Variants in SORCS1 observed in about 807,000 individuals in gnomAD.
The protein encoded by SORCS1 is sortilin related VPS10 domain containing receptor 1.
SORCS1 carries 60 observed loss-of-function variants against 146.1 expected under a neutral mutation model. The observed-to-expected ratio is 0.41, with a 90% CI of 0.33 to 0.51. The LOEUF is 0.51. Among genes scored for constraint, SORCS1 ranks in the 20% least tolerant of loss-of-function variants. The pLI, the probability that SORCS1 is intolerant of heterozygous loss-of-function variation, is 0.21. For synonymous variants in SORCS1, 637 were observed against 584.0 expected, an observed-to-expected ratio of 1.09 and a Z score of -1.31; for missense variants, 1,352 against 1,487.6, an observed-to-expected ratio of 0.91 and a Z score of 1.50.
At chr10:106,794,664 G>A (rs983230974) in intron 3 of SORCS1, among the ~76,000 whole-genome samples, 3 of 151,794 alleles carry the variant, frequency 2.0e-5, no homozygotes, top group African/African-American at 4.8e-5. Context: ...CACCACGCCC[G>A]GCTAATTTTT....
At chr10:106,614,877 G>A (rs570888518) in intron 21 of SORCS1, among the ~76,000 whole-genome samples, 5 of 152,306 alleles carry the variant, frequency 3.3e-5, no homozygotes, top group Non-Finnish European at 7.3e-5. Context: ...GAGAGATAAA[G>A]TCTATACACT....
At chr10:106,607,318 C>T (rs766244480) in intron 22 of SORCS1, 21 bp from the exon 23 acceptor site, 3 of 1,613,250 alleles carry the variant, frequency 1.9e-6, no homozygotes, top group South Asian at 1.1e-5. Context: ...GACACAGGGG[C>T]TCACATTAGT....
chr10:106,601,846 T>G (rs1846260994), intron 23 of SORCS1, among the ~76,000 whole-genome samples: 1 of 152,164 alleles, frequency 6.6e-6, no homozygotes, highest in Non-Finnish European at 1.5e-5. Context: ...AGCTTGGAAG[T>G]GGCACATATC....
intron 1 of SORCS1, among the ~76,000 whole-genome samples, chr10:107,045,101 C>T (rs1409306590): frequency 1.3e-5 from 2 of 152,202 alleles, no homozygotes; most frequent in African/African-American, 4.8e-5. Context: ...TTATGAAGGA[C>T]CATCAATGCC....
At chr10:106,746,689 C>T (rs1485758203) in intron 5 of SORCS1, among the ~76,000 whole-genome samples, 4 of 152,126 alleles carry the variant, frequency 2.6e-5, no homozygotes, top group Non-Finnish European at 4.4e-5. Flanking sequence ...TGACAGCCAG[C>T]GTTCTTATTT....
intron 1 of SORCS1, among the ~76,000 whole-genome samples, chr10:106,967,970 C>T (rs1955580352): frequency 6.6e-6 from 1 of 150,768 alleles, no homozygotes. Flanking sequence ...TTTGGGAGGC[C>T]GAGGCAGGCG....
intron 2 of SORCS1, among the ~76,000 whole-genome samples, chr10:106,857,703 A>T (rs1017861092): frequency 1.3e-5 from 2 of 152,202 alleles, no homozygotes; most frequent in African/African-American, 4.8e-5. Flanking sequence ...CTTCATTATC[A>T]TTCATTGACA....
chr10:106,992,919 C>T (rs1045809760), intron 1 of SORCS1, among the ~76,000 whole-genome samples: 1 of 149,030 alleles, frequency 6.7e-6, no homozygotes, highest in Non-Finnish European at 1.5e-5. Context: ...GCAACCTCTG[C>T]CTCCCTGGTT....
chr10:106,706,118 C>A (rs1229423528), intron 8 of SORCS1, among the ~76,000 whole-genome samples: 3 of 151,370 alleles, frequency 2.0e-5, no homozygotes. Flanking sequence ...GCTTGAAAAT[C>A]TTTACTATTG....
At chr10:106,841,526 A>G (rs1010242926) in intron 2 of SORCS1, among the ~76,000 whole-genome samples, 1 of 152,142 alleles carries the variant, frequency 6.6e-6, no homozygotes, top group African/African-American at 2.4e-5. Flanking sequence ...ATGCTATTAC[A>G]CACTTAATAG....
chr10:106,597,041 G>A (rs1845947150), intron 24 of SORCS1, among the ~76,000 whole-genome samples: 1 of 152,070 alleles, frequency 6.6e-6, no homozygotes, highest in Non-Finnish European at 1.5e-5. Flanking sequence ...TAGTACAGAT[G>A]GGGTTTCACC....
intron 3 of SORCS1, among the ~76,000 whole-genome samples, chr10:106,777,123 T>A (rs185199574): frequency 6.6e-6 from 1 of 152,302 alleles, no homozygotes; most frequent in Admixed American, 6.5e-5. Context: ...CCATTGTTTT[T>A]CTTCCCTACC....
intron 23 of SORCS1, among the ~76,000 whole-genome samples, chr10:106,605,256 AAGCAGAC>A (rs1846494815): frequency 6.6e-6 from 1 of 152,236 alleles, no homozygotes; most frequent in Non-Finnish European, 1.5e-5. Flanking sequence ...AGTCTAGAGA[AAGCAGAC>A]AGTCAAAGCA....
chr10:107,090,736 A>G (rs975839319), intron 1 of SORCS1, among the ~76,000 whole-genome samples: 2 of 152,222 alleles, frequency 1.3e-5, no homozygotes, highest in African/African-American at 2.4e-5. Flanking sequence ...GACTATACGC[A>G]TAATTTGAAC....
At chr10:106,827,839 A>C (rs1347449281) in intron 3 of SORCS1, among the ~76,000 whole-genome samples, 1 of 152,216 alleles carries the variant, frequency 6.6e-6, no homozygotes, top group Non-Finnish European at 1.5e-5. Context: ...AGCTATATCA[A>C]TTTAAATTAA....
chr10:106,604,955 TTTCTTGTC>T (rs1157860843), intron 23 of SORCS1, among the ~76,000 whole-genome samples: 6 of 152,244 alleles, frequency 3.9e-5, no homozygotes, highest in African/African-American at 1.2e-4. Flanking sequence ...TTATTCAACT[TTTCTTGTC>T]CTCACTTTCC....
chr10:106,866,305 A>G (rs927084802), intron 2 of SORCS1, among the ~76,000 whole-genome samples: 1 of 152,164 alleles, frequency 6.6e-6, no homozygotes, highest in Non-Finnish European at 1.5e-5. Flanking sequence ...TCCATCTCCC[A>G]TGGATCCCCT....
chr10:106,704,657 T>A (rs1410278079), intron 8 of SORCS1, among the ~76,000 whole-genome samples: 2 of 152,022 alleles, frequency 1.3e-5, no homozygotes, highest in Non-Finnish European at 2.9e-5. Flanking sequence ...GCCACTGCAC[T>A]CCAGCCTGGG....
chr10:106,898,619 G>A (rs758808243), intron 2 of SORCS1, among the ~76,000 whole-genome samples: 8 of 152,126 alleles, frequency 5.3e-5, no homozygotes, highest in African/African-American at 9.7e-5. Flanking sequence ...TCTAGGATAC[G>A]CTGCTGAGAA....
Sources: gnomAD v4.1 joint callset for allele counts (sites outside exome capture counted in the v4.1 genomes callset) on GRCh38, gnomAD v4.1.1 for gene constraint, MANE v1.5 for transcripts, NCBI Gene and HGNC (gene_info 2026-07-23, HGNC 2026-07-21) for gene names.